The following LRP1 variants were observed in gnomAD, a reference collection of about 807,000 sequenced individuals.
LRP1 encodes the protein prolow-density lipoprotein receptor-related protein 1.
In LRP1, 51 loss-of-function variants were observed where a neutral mutation model predicts 541.5. The observed-to-expected ratio is 0.09, with a 90% CI of 0.08 to 0.12. The LOEUF is 0.12. Among genes scored for constraint, LRP1 ranks in the 10% least tolerant of loss-of-function variants. The pLI, the probability that LRP1 is intolerant of heterozygous loss-of-function variation, is 1.00. For missense variants in LRP1, 3,878 were observed against 6,376.2 expected, an observed-to-expected ratio of 0.61 and a Z score of 13.34; for synonymous variants, 2,219 against 2,470.8, an observed-to-expected ratio of 0.90 and a Z score of 3.02.
chr12:57,210,654 C>T (rs1465506158), intron 82 of LRP1, 64 bp from the exon 83 acceptor site: 3 of 1,549,836 alleles, frequency 1.9e-6, no homozygotes, highest in African/African-American at 1.4e-5. Flanking sequence ...CCAGCCCATT[C>T]CTCTGCTATA....
intron 68 of LRP1, chr12:57,202,844 A>C: frequency 1.8e-6 from 1 of 551,236 alleles, no homozygotes; most frequent in South Asian, 2.3e-5. Flanking sequence ...CTGTGCCTCT[A>C]CCCATCATCC....
rs749996625 is a variant in LRP1 at position 57,192,954 on chromosome 12, T to C, written c.7539T>C (p.Asp2513=). Reference sequence around the variant, plus strand: ...GCCGAGGGGGCCGAATCCTCCAGGATGACCTCACCTGCCGAGGTGAGAGAG... The same window carrying C: ...GCCGAGGGGGCCGAATCCTCCAGGACGACCTCACCTGCCGAGGTGAGAGAG... ...CSCRGGRILQ[D]DLTCRAVNSS... The change falls in exon 45 of 89, where the codon GAT becomes GAC. Residue 2513 remains aspartate, a synonymous_variant. Transcript: ENST00000243077. The C allele has an allele frequency of 6.2e-7, 1 of 1,613,244 alleles. No homozygotes were observed. The highest frequency in any genetic ancestry group is 1.1e-5 in the South Asian group (1 of 91,074).
intron 42 of LRP1, among the ~76,000 whole-genome samples, chr12:57,188,757 G>A (rs1046025100): frequency 3.3e-5 from 5 of 152,226 alleles, no homozygotes; most frequent in Non-Finnish European, 7.3e-5. Flanking sequence ...TGGGGAGCGC[G>A]AGGGGCGTCA....
intron 53 of LRP1, 26 bp downstream of exon 53, chr12:57,195,806 A>G: frequency 6.2e-7 from 1 of 1,613,982 alleles, no homozygotes; most frequent in Non-Finnish European, 8.5e-7. Context: ...TGGTGGGAGG[A>G]GGCCCTGCCC....
rs368647279 is a variant in LRP1, at chr12:57,143,798, G to A, written c.448G>A (p.Asp150Asn). 1 of 1,613,396 alleles carries A rather than the reference G, an allele frequency of 6.2e-7. No homozygotes were observed. Among genetic ancestry groups the A allele is most frequent in the South Asian group, 1.1e-5 (1 of 90,934 alleles). Residue 150 changes from aspartate to asparagine, a missense_variant and splice_region_variant, in exon 4 of 89, where the codon GAT (aspartate) becomes AAT (asparagine). Transcript: ENST00000243077. ...TCAGGCAGATGGCAAGACCTGCAAA[G>A]GTATGTGAGTGCATGTGCCTGTGTG... ...QLQADGKTCK[D>N]FDECSVYGTC...
Position 57,205,747 on chromosome 12 carries a change from T to G in LRP1, c.11590+70T>G, listed in dbSNP as rs2036764222. The stretch of plus-strand genomic sequence containing the variant: ...GACCAGGATATCAAACGGGGCCGAC[T>G]TGGAATGGAATGTCTTCCTGCGGAC... On this transcript the variant is annotated intron_variant, in intron 75 of 88. Transcript: ENST00000243077. The surrounding 1 kb of genome is among the most constrained non-coding windows in gnomAD (Gnocchi z 4.6). 6.3e-7 allele frequency: 1 copy of G among 1,583,290 alleles called. No individual in the cohort carries two copies.
In LRP1 at chr12:57,203,477, C is replaced by G; in HGVS notation, c.10907C>G (p.Ala3636Gly). 6.3e-7 allele frequency: 1 copy of G among 1,582,386 alleles called. No homozygotes were observed. The change falls in exon 70 of 89, where the codon GCC becomes GGC. Residue 3636 changes from alanine (A) to glycine (G), a missense_variant. Around this residue, in one of 13 missense-constraint regions of LRP1, gnomAD observed 278 missense variants for 536.3 expected, o/e 0.52. Coordinates refer to ENST00000243077, the MANE Select transcript of LRP1 (RefSeq NM_002332.3). ...IPLRWRCDAD[A>G]DCMDGSDEEA... is the part of the protein sequence containing the mutation. The stretch of plus-strand genomic sequence containing the variant: ...CTGCGCTGGCGCTGTGACGCAGACG[C>G]CGACTGCATGGACGGCAGCGACGAG...
At chr12:57,160,091 G>A in intron 12 of LRP1, 86 bp downstream of exon 12, 1 of 1,392,640 alleles carries the variant, frequency 7.2e-7, no homozygotes. Flanking sequence ...AGGGAAGCAG[G>A]GGAAGGCAGG....
At chr12:57,191,535 G>T in intron 44 of LRP1, 23 bp downstream of exon 44, 5 of 1,564,796 alleles carry the variant, frequency 3.2e-6, no homozygotes, top group Non-Finnish European at 4.3e-6. Context: ...GCCGCCAGCT[G>T]CCTCACCCTC....
intron 2 of LRP1, 35 bp downstream of exon 2, chr12:57,138,616 C>T (rs762129715): frequency 1.2e-6 from 2 of 1,610,408 alleles, no homozygotes; most frequent in Non-Finnish European, 1.7e-6. Context: ...TCCCCAAACC[C>T]TTAACTTATC....
At chr12:57,148,867 C>CA in intron 6 of LRP1, 2 of 485,752 alleles carry the variant, frequency 4.1e-6, no homozygotes, top group Non-Finnish European at 7.3e-6. Context: ...CTGGGGAGCT[C>CA]AGCAAAGGGC....
chr12:57,149,754 A>G (rs747041998), intron 6 of LRP1: 8 of 720,280 alleles, frequency 1.1e-5, no homozygotes, highest in Admixed American at 1.9e-5. Context: ...GGTGGAAGGA[A>G]GAGCTGAAGT....
chr12:57,193,625 A>G lies in LRP1; in HGVS notation c.7744A>G (p.Met2582Val). 3 of 1,614,196 alleles carry G rather than the reference A, an allele frequency of 1.9e-6. No individual in the cohort carries two copies. The highest frequency in any genetic ancestry group is 2.5e-6 in the Non-Finnish European group (3 of 1,180,038). Residue 2582 changes from methionine (M) to valine (V), a missense_variant, in exon 47 of 89, where the codon ATG becomes GTG. By Grantham distance (21) the Met-to-Val change is conservative. This residue lies in a region of LRP1 where 1,100 missense variants were observed against 1,827.4 expected (regional missense o/e 0.60). Coordinates refer to ENST00000243077, the MANE Select transcript of LRP1 (RefSeq NM_002332.3). ...CAGCAATGGGCGCTGTGTGTCCAAC[A>G]TGCTGTGGTGCAACGGGGCCGACGA... ...QCSNGRCVSN[M>V]LWCNGADDCG...
chr12:57,205,578 T>G lies in LRP1; in HGVS notation c.11491T>G (p.Phe3831Val). 1 of 1,613,970 alleles carries G rather than the reference T, an allele frequency of 6.2e-7. No individual in the cohort carries two copies. Among genetic ancestry groups the G allele is most frequent in the African/African-American group, 1.3e-5 (1 of 75,024 alleles). The part of the protein sequence containing the change: ...GCQDINECLR[F>V]GTCSQLCNNT... Reference sequence around the variant, plus strand: ...CTTAGACATCAACGAGTGCCTGCGCTTCGGCACCTGCTCCCAGCTCTGCAA... The same window carrying G: ...CTTAGACATCAACGAGTGCCTGCGCGTCGGCACCTGCTCCCAGCTCTGCAA... Residue 3831 changes from phenylalanine to valine, a missense_variant, in exon 75 of 89, where the codon TTC becomes GTC. By Grantham distance (50) the Phe-to-Val change is conservative (BLOSUM62 -1). This residue lies in a region of LRP1 where 871 missense variants were observed against 1,212.4 expected (regional missense o/e 0.72). Coordinates refer to ENST00000243077, the MANE Select transcript of LRP1 (RefSeq NM_002332.3). This position sits in a 1 kb window ranked among gnomAD's most constrained non-coding sequence, Gnocchi z 4.6.
intron 2 of LRP1, among the ~76,000 whole-genome samples, chr12:57,138,786 C>T (rs1026218648): frequency 3.9e-5 from 6 of 152,176 alleles, no homozygotes; most frequent in Non-Finnish European, 7.3e-5. Context: ...AATGGCACCT[C>T]AGATTTCTCC....
In LRP1 at chr12:57,173,219, A is replaced by G. The variant is rs1592630493; in HGVS notation, c.3215A>G (p.Asp1072Gly). ...ACTGATGAGTTCCAGTGCCGGCTGG[A>G]TGGACTATGCATCCCCCTGCGGTGG... is the stretch of plus-strand genomic sequence containing the variant. ...CHTDEFQCRL[D>G]GLCIPLRWRC... Residue 1072 changes from aspartate to glycine, a missense_variant, in exon 21 of 89, where the codon GAT becomes GGT. Asp to Gly is a moderately conservative substitution (Grantham distance 94). Around this residue, in one of 13 missense-constraint regions of LRP1, gnomAD observed 320 missense variants for 547.9 expected, o/e 0.58. Transcript: ENST00000243077. This position sits in a 1 kb window ranked among gnomAD's most constrained non-coding sequence, Gnocchi z 4.7. 1 of 1,613,686 alleles carries G rather than the reference A, an allele frequency of 6.2e-7. No individual in the cohort carries two copies. The highest frequency in any genetic ancestry group is 1.7e-5 in the Admixed American group (1 of 60,018).
chr12:57,205,094 C>G lies in LRP1; in HGVS notation c.11195-15C>G. 6.2e-7 allele frequency: 1 copy of G among 1,609,966 alleles called. No homozygotes were observed. Among genetic ancestry groups the G allele is most frequent in the African/African-American group, 1.3e-5 (1 of 74,982 alleles). ...GGGGAGAATACCCAGGGCCTAAAGC[C>G]TCTGCCCTCCTCAGAGCCCCCCACA... is the stretch of plus-strand genomic sequence containing the variant. On this transcript the variant is annotated splice_polypyrimidine_tract_variant and intron_variant, in intron 72 of 88. Transcript: ENST00000243077. The surrounding 1 kb of genome is among the most constrained non-coding windows in gnomAD (Gnocchi z 4.6).
rs34010163 is a variant in LRP1 at position 57,177,947 on chromosome 12, C to CTTTTTTTTTT, written c.4361+366_4361+375dup. Among the ~76,000 whole-genome samples, 1 of 121,370 alleles carries CTTTTTTTTTT rather than the reference C, an allele frequency of 8.2e-6. No homozygotes were observed. The highest frequency in any genetic ancestry group is 1.7e-5 in the Non-Finnish European group (1 of 59,800). The allele number at this position is 121,370 out of a possible 152,430, so 79.6% of individuals were successfully genotyped here. On this transcript the variant is annotated intron_variant, in intron 26 of 88. Transcript: ENST00000243077. The surrounding 1 kb of genome is among the most constrained non-coding windows in gnomAD (Gnocchi z 6.8). Reference sequence around the variant, plus strand: ...CCCAGGGAGGGTGCCTTTTTCTTTTCTTTTTTTTTTTTTTTTTTTGAGACA... The same window carrying CTTTTTTTTTT: ...CCCAGGGAGGGTGCCTTTTTCTTTTCTTTTTTTTTTTTTTTTTTTTTTTTTTTTTGAGACA...
rs558905137 is a variant in LRP1 at position 57,211,681 on chromosome 12, C to A, written c.13194-69C>A. ...CCGTCAGGCCTCAGTGCCCACCCCC[C>A]GCCCTGTTTTCCTGGCAGCAGTGGC... On this transcript the variant is annotated intron_variant, in intron 85 of 88. Transcript: ENST00000243077. This position sits in a 1 kb window ranked among gnomAD's most constrained non-coding sequence, Gnocchi z 4.3. 7.6e-7 allele frequency: 1 copy of A among 1,322,592 alleles called. No homozygotes were observed. Among genetic ancestry groups the A allele is most frequent in the Admixed American group, 1.7e-5 (1 of 58,764 alleles). The allele number at this position is 1,322,592 out of a possible 1,614,324, so 81.9% of individuals were successfully genotyped here.
Sources: gnomAD v4.1 joint callset for allele counts (sites outside exome capture counted in the v4.1 genomes callset) on GRCh38, gnomAD v4.1.1 for gene constraint, gnomAD v4.1.1 regional missense constraint, Gnocchi (gnomAD v3.1) non-coding constraint, MANE v1.5 for transcripts, NCBI Gene and HGNC (gene_info 2026-07-23, HGNC 2026-07-21) for gene names.